Variants in PHF14 observed in about 807,000 individuals in gnomAD.
The protein encoded by PHF14 is PHD finger protein 14.
In PHF14, 55 loss-of-function variants were observed where a neutral mutation model predicts 117.9. That is an observed-to-expected ratio of 0.47 (90% CI 0.38 to 0.58). The LOEUF (loss-of-function observed/expected upper bound fraction) is 0.58, where lower values mean the gene tolerates loss of function less well. Ranked by LOEUF, PHF14 falls within the 20% of genes least tolerant of loss-of-function variation. The pLI is 0.00. For missense variants in PHF14, 978 were observed against 1,122.2 expected (o/e 0.87, Z 1.84); for synonymous variants, 409 against 368.6 (o/e 1.11, Z -1.26).
chr7:11,023,593 A>G (rs1340160817), intron 6 of PHF14, among the ~76,000 whole-genome samples: 2 of 152,184 alleles, frequency 1.3e-5, no homozygotes, highest in African/African-American at 2.4e-5. Context: ...TCGGGAGGCC[A>G]AGGTGGGCAG....
At chr7:11,026,193 C>T (rs1357136358) in intron 6 of PHF14, among the ~76,000 whole-genome samples, 1 of 151,898 alleles carries the variant, frequency 6.6e-6, no homozygotes, top group Non-Finnish European at 1.5e-5. Flanking sequence ...CGTCAGTGGC[C>T]ATCCACATCA....
chr7:11,078,739 C>T (rs1255346017), intron 16 of PHF14, among the ~76,000 whole-genome samples: 5 of 151,936 alleles, frequency 3.3e-5, no homozygotes, highest in Non-Finnish European at 7.4e-5. Flanking sequence ...TAGACTATAG[C>T]TTTGAAAAAC....
chr7:11,147,241 G>A (rs1788573196), intron 17 of PHF14, among the ~76,000 whole-genome samples: 1 of 152,140 alleles, frequency 6.6e-6, no homozygotes, highest in Non-Finnish European at 1.5e-5. Context: ...TGCAAGAAAG[G>A]TTTCATTAAA....
intron 4 of PHF14, among the ~76,000 whole-genome samples, chr7:10,999,939 T>C (rs915972735): frequency 1.3e-5 from 2 of 152,208 alleles, no homozygotes; most frequent in African/African-American, 4.8e-5. Flanking sequence ...GATAACTCAT[T>C]TAATTCCTAA....
chr7:11,125,808 T>C (rs1294851682), intron 17 of PHF14, among the ~76,000 whole-genome samples: 1 of 152,106 alleles, frequency 6.6e-6, no homozygotes, highest in Non-Finnish European at 1.5e-5. Context: ...ATATTTTCTC[T>C]GAAGGTTTCT....
At chr7:10,994,409 A>C (rs1339433111) in intron 4 of PHF14, among the ~76,000 whole-genome samples, 6 of 152,236 alleles carry the variant, frequency 3.9e-5, no homozygotes, top group African/African-American at 1.4e-4. Context: ...ACTGCACTCC[A>C]GTCTGGGCAA....
chr7:11,026,108 TCAA>T (rs1562426621), intron 6 of PHF14, among the ~76,000 whole-genome samples: 49 of 126,044 alleles, frequency 3.9e-4, no homozygotes, highest in Non-Finnish European at 4.0e-4. Context: ...TGAGACTCCA[TCAA>T]AAAAAAAAAA....
chr7:11,075,587 T>TTA (rs1562453125), intron 16 of PHF14, among the ~76,000 whole-genome samples: 2 of 131,720 alleles, frequency 1.5e-5, no homozygotes, highest in Non-Finnish European at 3.3e-5. Flanking sequence ...TTTTTTTTTT[T>TTA]TTTATTATTA....
At position 11,079,750 on chromosome 7, in the gene PHF14, A is replaced by T. The variant is rs74600250; in HGVS notation, c.2654+17665A>T. On this transcript the variant is annotated intron_variant, in intron 16 of 17. Coordinates refer to ENST00000634607, the MANE Select transcript of PHF14 (RefSeq NM_001007157.2). ...CCTTTTACATTGTATGCTAACTGTG[A>T]TATACAAAATCATTTAGCTGTATTA... 5.4e-3 allele frequency among the ~76,000 whole-genome samples: 818 copies of T among 152,228 alleles called. 5 individuals carry two copies. Among genetic ancestry groups the T allele is most frequent in the African/African-American group, 0.019 (779 of 41,550 alleles).
At chr7:11,151,024 GAT>G (rs1227375558) in intron 17 of PHF14, among the ~76,000 whole-genome samples, 1 of 151,998 alleles carries the variant, frequency 6.6e-6, no homozygotes, top group African/African-American at 2.4e-5. Context: ...TACAATAAAA[GAT>G]ATATCAATGA....
At chr7:11,136,378 A>C (rs901712836) in intron 17 of PHF14, among the ~76,000 whole-genome samples, 4 of 152,092 alleles carry the variant, frequency 2.6e-5, no homozygotes, top group African/African-American at 7.2e-5. Flanking sequence ...GGCTGTTTTT[A>C]TCTCTTTATT....
At chr7:10,991,606 G>C (rs1226305224) in intron 4 of PHF14, among the ~76,000 whole-genome samples, 1 of 151,946 alleles carries the variant, frequency 6.6e-6, no homozygotes, top group East Asian at 1.9e-4. Flanking sequence ...CACCGCACCT[G>C]GTCCCCCAGT....
chr7:11,080,797 A>G (rs573221388), intron 16 of PHF14, among the ~76,000 whole-genome samples: 4 of 152,198 alleles, frequency 2.6e-5, no homozygotes, highest in Non-Finnish European at 1.5e-5. Context: ...CTAATGAGCA[A>G]ATGCATTAGA....
At chr7:11,079,186 T>G (rs1327084310) in intron 16 of PHF14, among the ~76,000 whole-genome samples, 2 of 152,200 alleles carry the variant, frequency 1.3e-5, no homozygotes. Flanking sequence ...CAAAAGGAGC[T>G]TCTTCTAATT....
rs1454491849 is a variant in PHF14, at chr7:11,130,606, C to A, written c.2772+19139C>A. Among the ~76,000 whole-genome samples, 1 of 151,906 alleles carries A rather than the reference C, an allele frequency of 6.6e-6. No individual in the cohort carries two copies. Among genetic ancestry groups the A allele is most frequent in the East Asian group, 1.9e-4 (1 of 5,188 alleles). On this transcript the variant is annotated intron_variant, in intron 17 of 17. Transcript: ENST00000634607. This position sits in a 1 kb window ranked among gnomAD's most constrained non-coding sequence, Gnocchi z 4.2. ...CATCCCTTCCTCCTTCCCCTAGTTT[C>A]CTCTGTTACCATCTTGCATTCATGT...
chr7:11,040,289 A>T (rs1784458132), intron 11 of PHF14, among the ~76,000 whole-genome samples: 1 of 152,130 alleles, frequency 6.6e-6, no homozygotes, highest in African/African-American at 2.4e-5. Flanking sequence ...AATTTTTCTA[A>T]TTAACCTATG....
intron 17 of PHF14, among the ~76,000 whole-genome samples, chr7:11,122,359 A>ATATATG (rs1562476422): frequency 2.6e-5 from 3 of 115,206 alleles, no homozygotes; most frequent in African/African-American, 1.2e-4. Flanking sequence ...ATATACACAC[A>ATATATG]CACACACACA....
intron 16 of PHF14, among the ~76,000 whole-genome samples, chr7:11,065,717 G>A (rs1785399988): frequency 1.3e-5 from 2 of 152,118 alleles, no homozygotes; most frequent in Admixed American, 1.3e-4. Flanking sequence ...TGAAAAGGAA[G>A]TGGGCCTGTC....
chr7:10,992,963 C>G (rs1782514829), intron 4 of PHF14, among the ~76,000 whole-genome samples: 1 of 151,980 alleles, frequency 6.6e-6, no homozygotes. Flanking sequence ...ACAGAATGTT[C>G]CTAATATGAT....
Sources: allele counts gnomAD v4.1 joint callset (sites outside exome capture counted in the v4.1 genomes callset), GRCh38; gene constraint gnomAD v4.1.1; non-coding constraint Gnocchi (gnomAD v3.1); transcripts MANE v1.5; gene names NCBI Gene and HGNC (gene_info 2026-07-23, HGNC 2026-07-21).